Variants in KIF13B observed in about 807,000 individuals in gnomAD.
KIF13B encodes the protein kinesin-like protein KIF13B.
KIF13B carries 127 observed loss-of-function variants against 222.0 expected under a neutral mutation model. That is an observed-to-expected ratio of 0.57 (90% confidence interval 0.50 to 0.66). The LOEUF is 0.66. Ranked by LOEUF, KIF13B falls within the 30% of genes least tolerant of loss-of-function variation. The pLI is 0.00. For synonymous variants in KIF13B, 976 were observed against 919.0 expected, an observed-to-expected ratio of 1.06 and a Z score of -1.12; for missense variants, 2,173 against 2,379.0, an observed-to-expected ratio of 0.91 and a Z score of 1.80.
At chr8:29,168,067 A>G (rs1184100764) in intron 10 of KIF13B, among the ~76,000 whole-genome samples, 1 of 152,248 alleles carries the variant, frequency 6.6e-6, no homozygotes, top group African/African-American at 2.4e-5. Flanking sequence ...CAAGCTATCA[A>G]GCACCTTGTA....
chr8:29,128,019 T>G (rs1215746212), intron 24 of KIF13B, among the ~76,000 whole-genome samples: 1 of 150,876 alleles, frequency 6.6e-6, no homozygotes, highest in African/African-American at 2.4e-5. Context: ...AATATAAATA[T>G]AAAATCAGTA....
chr8:29,167,572 C>A lies in KIF13B; in HGVS notation c.959G>T (p.Gly320Val), dbSNP rs1246522576. ...LTWLLKDSLGGNSKTAMVATV... is the reference protein window; with the variant it reads ...LTWLLKDSLGVNSKTAMVATV... ...AGCCACCATGGCGGTCTTGCTGTTA[C>A]CCCCGAGGCTGTCCTACAGGAGAAA... is the stretch of plus-strand genomic sequence containing the variant. Residue 320 changes from glycine (G) to valine (V), a missense_variant, in exon 11 of 40, where the codon GGT becomes GTT. By Grantham distance (109) the Gly-to-Val change is moderately radical. Transcript: ENST00000524189. The A allele has an allele frequency of 6.2e-7, 1 of 1,613,760 alleles. No homozygotes were observed. Among genetic ancestry groups the A allele is most frequent in the Non-Finnish European group, 8.5e-7 (1 of 1,179,686 alleles).
At chr8:29,103,892 C>G (rs1198469795) in intron 35 of KIF13B, among the ~76,000 whole-genome samples, 7 of 152,184 alleles carry the variant, frequency 4.6e-5, no homozygotes, top group Admixed American at 4.6e-4. Flanking sequence ...ATCACAGTTA[C>G]TTGCCTAATA....
Position 29,110,011 on chromosome 8 carries a change from G to T in KIF13B, c.3990C>A (p.Asn1330Lys). The T allele has an allele frequency of 6.2e-7, 1 of 1,600,544 alleles. No individual in the cohort carries two copies. Among genetic ancestry groups the T allele is most frequent in the Non-Finnish European group, 8.5e-7 (1 of 1,173,522 alleles). The change falls in exon 33 of 40, where the codon AAC becomes AAA. Residue 1330 changes from asparagine (N) to lysine (K), a missense_variant. By Grantham distance (94) the Asn-to-Lys change is moderately conservative (BLOSUM62 0). This residue lies in a region of KIF13B where 1,480 missense variants were observed against 1,722.8 expected (regional missense o/e 0.86). Coordinates refer to ENST00000524189, the MANE Select transcript of KIF13B (RefSeq NM_015254.4). ...ALARMAANVE[N>K]PASADSEAYI... ...AAGCCTCCGAGTCAGCAGAAGCTGG[G>T]TTTTCAACATTGGCTGCCATTCTTG...
Position 29,148,757 on chromosome 8 carries a change from G to A in KIF13B, c.1633C>T (p.Pro545Ser). ...GNNHFFRLNL[P>S]KKKKKAERED... The stretch of plus-strand genomic sequence containing the variant: ...CGTTCTGCTTTCTTTTTCTTTTTAG[G>A]CAAATTGAGTCTTGGTGGGAAAAAG... The change falls in exon 16 of 40, where the codon CCT (proline) becomes TCT (serine). Residue 545 changes from proline (P) to serine (S), a missense_variant. Pro to Ser is a moderately conservative substitution (Grantham distance 74). Transcript: ENST00000524189. 2 of 1,588,940 alleles carry A rather than the reference G, an allele frequency of 1.3e-6. No homozygotes were observed. Among genetic ancestry groups the A allele is most frequent in the South Asian group, 1.2e-5 (1 of 85,568 alleles).
chr8:29,228,472 A>AAAAAAAAAATATATATATATAT, intron 2 of KIF13B, among the ~76,000 whole-genome samples: 1 of 117,084 alleles, frequency 8.5e-6, no homozygotes, highest in African/African-American at 3.3e-5. Flanking sequence ...ATCTTAAAAA[A>AAAAAAAAAATATATATATATAT]ATATATATAT....
At chr8:29,093,776 A>G (rs770142912) in intron 36 of KIF13B, among the ~76,000 whole-genome samples, 1 of 152,254 alleles carries the variant, frequency 6.6e-6, no homozygotes, top group African/African-American at 2.4e-5. Flanking sequence ...TTAAAGATGT[A>G]CATTGTAATC....
intron 18 of KIF13B, 173 bp downstream of exon 18, chr8:29,146,205 A>C (rs1389165384): frequency 6.0e-6 from 4 of 664,892 alleles, no homozygotes; most frequent in Non-Finnish European, 5.4e-6. Flanking sequence ...ATATACATAC[A>C]CTCAAAGGTA....
At chr8:29,255,567 C>T (rs1249091124) in intron 1 of KIF13B, among the ~76,000 whole-genome samples, 1 of 150,012 alleles carries the variant, frequency 6.7e-6, no homozygotes, top group East Asian at 1.9e-4. Flanking sequence ...CTCCCCAAAA[C>T]TTTTTTTTTT....
chr8:29,106,062 T>C (rs1809054105), intron 35 of KIF13B, among the ~76,000 whole-genome samples: 1 of 152,196 alleles, frequency 6.6e-6, no homozygotes. Context: ...CATGTTTTTC[T>C]TATATTTTCC....
intron 1 of KIF13B, among the ~76,000 whole-genome samples, chr8:29,250,542 G>A (rs189690499): frequency 4.6e-4 from 70 of 152,218 alleles, no homozygotes; most frequent in Non-Finnish European, 7.5e-4. Flanking sequence ...TCCTAGAGAC[G>A]GCAACTTAAA....
At position 29,207,530 on chromosome 8, in the gene KIF13B, G is replaced by C. The variant is rs115403464; in HGVS notation, c.150-11331C>G. Among the ~76,000 whole-genome samples the C allele has an allele frequency of 6.3e-3, 965 of 152,070 alleles. 8 individuals carry two copies. Among genetic ancestry groups the C allele is most frequent in the African/African-American group, 0.023 (933 of 41,462 alleles). ...ATGAAATGACGAGCTTGTCTAAACT[G>C]TCCAGTCCTGATTTATGCTGTCCCC... On this transcript the variant is annotated intron_variant, in intron 2 of 39. Transcript: ENST00000524189.
intron 10 of KIF13B, among the ~76,000 whole-genome samples, chr8:29,172,938 G>A (rs1461516053): frequency 1.3e-5 from 2 of 150,846 alleles, no homozygotes; most frequent in Non-Finnish European, 3.0e-5. Context: ...TTTTTGAGAG[G>A]GTTGTCTTAC....
At chr8:29,157,365 G>T (rs1811579133) in intron 13 of KIF13B, among the ~76,000 whole-genome samples, 2 of 145,728 alleles carry the variant, frequency 1.4e-5, no homozygotes, top group African/African-American at 5.1e-5. Context: ...GACCAGCCCG[G>T]GCAACACAGT....
intron 2 of KIF13B, among the ~76,000 whole-genome samples, chr8:29,215,120 C>G (rs556943358): frequency 7.9e-4 from 121 of 152,262 alleles, no homozygotes; most frequent in Admixed American, 2.1e-3. Context: ...TTTCCCTGCT[C>G]TTTCCCGTCC....
intron 13 of KIF13B, among the ~76,000 whole-genome samples, chr8:29,159,441 C>T (rs1021821709): frequency 1.1e-4 from 17 of 152,160 alleles, no homozygotes; most frequent in East Asian, 1.9e-4. Flanking sequence ...TGAGCCACCA[C>T]GCCCAGCCAA....
chr8:29,177,693 G>T, intron 8 of KIF13B, 115 bp from the exon 9 acceptor site: 2 of 731,030 alleles, frequency 2.7e-6, no homozygotes, highest in Middle Eastern at 3.0e-4. Flanking sequence ...CCTGAGCCCA[G>T]GATTTCAAAA....
At chr8:29,105,815 C>T (rs1441357029) in intron 35 of KIF13B, among the ~76,000 whole-genome samples, 2 of 151,804 alleles carry the variant, frequency 1.3e-5, no homozygotes. Context: ...CCTGGCACCA[C>T]ACCCAGCTAA....
chr8:29,152,906 T>C (rs1370198897), intron 14 of KIF13B, among the ~76,000 whole-genome samples: 4 of 152,202 alleles, frequency 2.6e-5, no homozygotes, highest in South Asian at 2.1e-4. Context: ...AAGGAATATA[T>C]ATTAAGATAT....
Sources: gnomAD v4.1 joint callset for allele counts (sites outside exome capture counted in the v4.1 genomes callset) on GRCh38, gnomAD v4.1.1 for gene constraint, gnomAD v4.1.1 regional missense constraint, MANE v1.5 for transcripts, NCBI Gene and HGNC (gene_info 2026-07-23, HGNC 2026-07-21) for gene names.